The following CDCP2 variants were observed in gnomAD, a reference collection of about 807,000 sequenced individuals.
CDCP2 encodes CUB domain-containing protein 2.
In CDCP2, 31 loss-of-function variants were observed where a neutral mutation model predicts 31.0. The observed-to-expected ratio is 1.00, with a 90% CI of 0.75 to 1.35. The LOEUF is 1.35. Ranked by LOEUF, CDCP2 falls within the 40% of genes most tolerant of loss-of-function variation. CDCP2 has a pLI of 0.00. For missense variants in CDCP2, 443 were observed against 482.6 expected (o/e 0.92, Z 0.77); for synonymous variants, 206 against 207.9 (o/e 0.99, Z 0.08).
At chr1:54,150,196 G>A (rs1246000681) in intron 1 of CDCP2, among the ~76,000 whole-genome samples, 1 of 152,200 alleles carries the variant, frequency 6.6e-6, no homozygotes, top group Non-Finnish European at 1.5e-5. Flanking sequence ...GCCCAGATAG[G>A]GGTTCTTTCC....
At chr1:54,151,460 T>G (rs1440630031) in intron 1 of CDCP2, among the ~76,000 whole-genome samples, 1 of 152,180 alleles carries the variant, frequency 6.6e-6, no homozygotes, top group Non-Finnish European at 1.5e-5. Context: ...CAGAGTGGAA[T>G]TCCTACAGCC....
intron 1 of CDCP2, among the ~76,000 whole-genome samples, chr1:54,152,090 T>A (rs1659593226): frequency 6.6e-6 from 1 of 152,074 alleles, no homozygotes; most frequent in Non-Finnish European, 1.5e-5. Flanking sequence ...CAGAGGGCAC[T>A]GAATACCATA....
At chr1:54,145,037 C>T (rs1659440450) in intron 1 of CDCP2, among the ~76,000 whole-genome samples, 1 of 152,132 alleles carries the variant, frequency 6.6e-6, no homozygotes, top group Non-Finnish European at 1.5e-5. Context: ...GTTCTAGGTG[C>T]TGGGGTCACA....
chr1:54,152,825 C>T lies in CDCP2; in HGVS notation c.79+19G>A. The T allele has an allele frequency of 6.2e-7, 1 of 1,611,900 alleles. No homozygotes were observed. The highest frequency in any genetic ancestry group is 1.1e-5 in the South Asian group (1 of 90,914). On this transcript the variant is annotated intron_variant, in intron 1 of 5. Transcript: ENST00000530059. ...ACCTCCTTCCCCTCTCAGTTCATGT[C>T]TGTCCCAAGAGTGCCTACCTTCCAT...
At chr1:54,144,375 G>T in intron 2 of CDCP2, 91 bp downstream of exon 2, 1 of 1,198,670 alleles carries the variant, frequency 8.3e-7, no homozygotes, top group Non-Finnish European at 1.2e-6. Flanking sequence ...TTGAACTCCT[G>T]GGATCAAGTA....
At chr1:54,141,459 CCTTT>C in intron 2 of CDCP2, 26 bp from the exon 3 acceptor site, 1 of 1,558,868 alleles carries the variant, frequency 6.4e-7, no homozygotes. Flanking sequence ...CTTGAGCTGA[CCTTT>C]CTTTCTCCTT....
At chr1:54,138,489 A>G (rs1373868186) in intron 4 of CDCP2, 1 of 152,248 alleles carries the variant, frequency 6.6e-6, no homozygotes, top group Non-Finnish European at 1.5e-5. Flanking sequence ...CTCCCCTTGC[A>G]TATGGAGCAA....
intron 1 of CDCP2, among the ~76,000 whole-genome samples, chr1:54,150,953 AG>A (rs1659573637): frequency 6.6e-6 from 1 of 152,316 alleles, no homozygotes; most frequent in East Asian, 1.9e-4. Context: ...GGAGTGGGCC[AG>A]GGGGAGTCAG....
intron 5 of CDCP2, among the ~76,000 whole-genome samples, chr1:54,133,913 C>CAAACAAAAAAAAAAAAAAAAA (rs748829165): frequency 1.4e-5 from 2 of 144,784 alleles, no homozygotes; most frequent in African/African-American, 2.6e-5. Flanking sequence ...AACAAACAAA[C>CAAACAAAAAAAAAAAAAAAAA]AAAAAAAACC....
exon 5 of CDCP2, chr1:54,136,748 G>C: frequency 2.5e-6 from 1 of 399,156 alleles, no homozygotes; most frequent in Non-Finnish European, 4.4e-6. Flanking sequence ...CGGGGCCAGC[G>C]CCTGCGTGGA....
intron 1 of CDCP2, among the ~76,000 whole-genome samples, chr1:54,148,716 AAGG>A (rs1225712768): frequency 6.6e-6 from 1 of 151,098 alleles, no homozygotes; most frequent in African/African-American, 2.5e-5. Context: ...TAAAGGGGGG[AAGG>A]AGGCACAACT....
intron 1 of CDCP2, among the ~76,000 whole-genome samples, chr1:54,146,851 G>A (rs529156825): frequency 5.3e-5 from 8 of 151,708 alleles, no homozygotes; most frequent in South Asian, 2.1e-4. Context: ...CCCAGTGGGC[G>A]GATCGTTTGA....
In CDCP2 at chr1:54,139,656, G is replaced by A. The variant is rs771506651; in HGVS notation, c.1117+97C>T. ...GAGAAGACCATTCATGGGGGGGGCA[G>A]GACAAACTGGTGGGATGGAGGAAGG... On this transcript the variant is annotated intron_variant, in intron 4 of 5. Transcript: ENST00000530059. 3.1e-6 allele frequency: 5 copies of A among 1,611,266 alleles called. No homozygotes were observed. The South Asian group carries it at 3.3e-5, about 11-fold the overall frequency.
At chr1:54,139,579 G>C (rs1659318730) in intron 4 of CDCP2, 174 bp downstream of exon 4, 1 of 1,613,222 alleles carries the variant, frequency 6.2e-7, no homozygotes, top group African/African-American at 1.3e-5. Context: ...GTACCGTCCA[G>C]TCTTAGGGGT....
chr1:54,139,489 A>G (rs758870681), intron 4 of CDCP2: 28 of 1,567,398 alleles, frequency 1.8e-5, no homozygotes, highest in Non-Finnish European at 2.4e-5. Context: ...GGGGGAAGGA[A>G]CCAGATGGGG....
chr1:54,151,428 G>T (rs1016931771), intron 1 of CDCP2, among the ~76,000 whole-genome samples: 3 of 152,170 alleles, frequency 2.0e-5, no homozygotes, highest in African/African-American at 7.2e-5. Context: ...TACCCACAGG[G>T]CAGGGAAAGG....
Position 54,148,380 on chromosome 1 carries a change from A to T in CDCP2, c.80-3567T>A, listed in dbSNP as rs1007698112. Reference sequence around the variant, plus strand: ...AAAAAAAGAAAAAAAGAAAAAAAAAATTCACTTCAGCTGACTATTTGACAG... The same window carrying T: ...AAAAAAAGAAAAAAAGAAAAAAAAATTTCACTTCAGCTGACTATTTGACAG... On this transcript the variant is annotated intron_variant, in intron 1 of 5. Coordinates refer to ENST00000530059, the Ensembl canonical transcript of CDCP2. Among the ~76,000 whole-genome samples, 21 of 147,524 alleles carry T rather than the reference A, an allele frequency of 1.4e-4. 1 individual carries two copies. The highest frequency in any genetic ancestry group is 5.4e-4 in the African/African-American group (21 of 39,218).
chr1:54,139,789 T>G, exon 4 of CDCP2: 3 of 1,614,146 alleles, frequency 1.9e-6, no homozygotes, highest in Non-Finnish European at 2.5e-6. Context: ...CTGCGGGTGG[T>G]GCTGCGGTCT....
chr1:54,146,517 G>C (rs185301216), intron 1 of CDCP2, among the ~76,000 whole-genome samples: 1 of 151,920 alleles, frequency 6.6e-6, no homozygotes, highest in Admixed American at 6.6e-5. Context: ...TAAAACTCTT[G>C]TGATCCTTAA....
Sources: gnomAD v4.1 joint callset for allele counts (sites outside exome capture counted in the v4.1 genomes callset) on GRCh38, gnomAD v4.1.1 for gene constraint, MANE v1.5 for transcripts, NCBI Gene and HGNC (gene_info 2026-07-23, HGNC 2026-07-21) for gene names.